Variants in SLC44A1 observed in about 807,000 individuals in gnomAD.
The protein encoded by SLC44A1 is choline transporter-like protein 1.
Under a neutral mutation model 79.3 loss-of-function variants are expected in SLC44A1, and 26 were observed. The ratio of observed to expected loss-of-function variants is 0.33; its 90% CI spans 0.24 to 0.46. The LOEUF is 0.46. Ranked by LOEUF, SLC44A1 falls within the 20% of genes least tolerant of loss-of-function variation. The pLI is 1.00. For missense variants in SLC44A1, 688 were observed against 798.1 expected, an observed-to-expected ratio of 0.86 and a Z score of 1.66; for synonymous variants, 263 against 286.2, an observed-to-expected ratio of 0.92 and a Z score of 0.82.
rs556502972 is a variant in SLC44A1 at position 105,354,039 on chromosome 9, C to CTTT, written c.501-2146_501-2144dup. On this transcript the variant is annotated intron_variant, in intron 5 of 15. Transcript: ENST00000374720. ...TTGACTTAGAAATTTACAGTTAATC[C>CTTT]TTTTTTTTTTTTTTTTTTTTTTTTT... is the stretch of plus-strand genomic sequence containing the variant. Among the ~76,000 whole-genome samples the CTTT allele has an allele frequency of 1.7e-3, 170 of 98,486 alleles. 13 individuals carry two copies. Among genetic ancestry groups the CTTT allele is most frequent in the South Asian group, 6.8e-3 (21 of 3,096 alleles). The allele number at this position is 98,486 out of a possible 152,430, so 64.6% of individuals were successfully genotyped here.
chr9:105,264,432 G>T (rs556221470), intron 1 of SLC44A1, among the ~76,000 whole-genome samples: 3 of 152,230 alleles, frequency 2.0e-5, no homozygotes, highest in Non-Finnish European at 4.4e-5. Context: ...CTCCTGAAGT[G>T]CAGGGATTAC....
At chr9:105,359,849 A>G (rs1450059159) in intron 7 of SLC44A1, among the ~76,000 whole-genome samples, 1 of 152,202 alleles carries the variant, frequency 6.6e-6, no homozygotes, top group East Asian at 1.9e-4. Context: ...TCTTCAACAG[A>G]TGGAAAATTT....
intron 1 of SLC44A1, among the ~76,000 whole-genome samples, chr9:105,256,091 C>G (rs1010094292): frequency 2.0e-5 from 3 of 152,034 alleles, no homozygotes; most frequent in Admixed American, 2.0e-4. Flanking sequence ...CGGCTCACTG[C>G]AACCTCCACC....
At chr9:105,282,415 C>CTGGAA (rs1830374603) in intron 1 of SLC44A1, among the ~76,000 whole-genome samples, 1 of 152,118 alleles carries the variant, frequency 6.6e-6, no homozygotes, top group Non-Finnish European at 1.5e-5. Context: ...TGAATGTTTG[C>CTGGAA]TGATCATGGA....
In SLC44A1 at chr9:105,391,682, A is replaced by G; in HGVS notation, c.*2626A>G. On this transcript the variant is annotated 3_prime_UTR_variant, in exon 16 of 16. Transcript: ENST00000374720. ...CTGCTGCCTCTTTTCATTCATTTCA[A>G]GTCATTCTTCAGCTAGCTATGGGCT... The G allele has an allele frequency of 9.1e-6, 9 of 985,280 alleles. No homozygotes were observed. Among genetic ancestry groups the G allele is most frequent in the Non-Finnish European group, 1.1e-5 (9 of 829,826 alleles). The allele number at this position is 985,280 out of a possible 1,614,324, so 61.0% of individuals were successfully genotyped here. A position where few individuals can be genotyped will look rare whatever the true frequency, so the allele number is the denominator to read the frequency against.
intron 3 of SLC44A1, among the ~76,000 whole-genome samples, chr9:105,315,138 A>T (rs1831285994): frequency 6.6e-6 from 1 of 152,220 alleles, no homozygotes; most frequent in South Asian, 2.1e-4. Context: ...TTCACATTAA[A>T]AAAACTTTGA....
In SLC44A1 at chr9:105,292,394, C is replaced by T. The variant is rs142252564; in HGVS notation, c.37-6826C>T. Among the ~76,000 whole-genome samples, 811 of 152,272 alleles carry T rather than the reference C, an allele frequency of 5.3e-3. 22 individuals are homozygous for T. Among genetic ancestry groups the T allele is most frequent in the East Asian group, 0.042 (218 of 5,186 alleles). ...CATTTCTGAGGCTGAAAGGCCTCTTCCTAACTGGAGCCACAAAATCTTTAG... is the reference window on the plus strand; with the variant it reads ...CATTTCTGAGGCTGAAAGGCCTCTTTCTAACTGGAGCCACAAAATCTTTAG... On this transcript the variant is annotated intron_variant, in intron 1 of 15. Coordinates refer to ENST00000374720, the MANE Select transcript of SLC44A1 (RefSeq NM_080546.5).
intron 15 of SLC44A1, among the ~76,000 whole-genome samples, chr9:105,431,937 C>G (rs12346497): frequency 6.6e-6 from 1 of 152,032 alleles, no homozygotes; most frequent in Non-Finnish European, 1.5e-5. Flanking sequence ...TTTATTTATT[C>G]ATTGAGACAG....
At chr9:105,311,858 A>G (rs1831190007) in intron 3 of SLC44A1, among the ~76,000 whole-genome samples, 1 of 152,154 alleles carries the variant, frequency 6.6e-6, no homozygotes, top group African/African-American at 2.4e-5. Flanking sequence ...TAATATTTCG[A>G]TCTGAAAACA....
intron 6 of SLC44A1, 84 bp downstream of exon 6, chr9:105,356,465 T>G: frequency 2.4e-6 from 2 of 848,428 alleles, no homozygotes; most frequent in Non-Finnish European, 3.6e-6. Context: ...TGAATACAAC[T>G]GGGGATACTT....
intron 1 of SLC44A1, among the ~76,000 whole-genome samples, chr9:105,248,477 A>G (rs545193070): frequency 2.0e-5 from 3 of 152,338 alleles, no homozygotes; most frequent in African/African-American, 7.2e-5. Context: ...ATTATTGGCA[A>G]AATAATTTGT....
At chr9:105,294,390 G>A (rs755990263) in intron 1 of SLC44A1, among the ~76,000 whole-genome samples, 3 of 151,518 alleles carry the variant, frequency 2.0e-5, no homozygotes, top group African/African-American at 4.8e-5. Flanking sequence ...ACGTGTTTTG[G>A]TTTGAAAAGT....
chr9:105,359,032 T>C (rs1159089796), intron 7 of SLC44A1, among the ~76,000 whole-genome samples: 1 of 152,186 alleles, frequency 6.6e-6, no homozygotes, highest in Non-Finnish European at 1.5e-5. Flanking sequence ...CTCCCACTTT[T>C]CGCCCTTGTT....
At chr9:105,431,612 C>T (rs557500738) in intron 15 of SLC44A1, among the ~76,000 whole-genome samples, 6 of 152,278 alleles carry the variant, frequency 3.9e-5, no homozygotes, top group East Asian at 1.9e-4. Context: ...AAAGGGCATG[C>T]GCCTGAAAAT....
Position 105,389,072 on chromosome 9 carries a change from A to G in SLC44A1, c.*16A>G. 1.2e-6 allele frequency: 2 copies of G among 1,613,210 alleles called. No homozygotes were observed. The highest frequency in any genetic ancestry group is 8.5e-7 in the Non-Finnish European group (1 of 1,179,366). On this transcript the variant is annotated 3_prime_UTR_variant, in exon 16 of 16. Transcript: ENST00000374720. The stretch of plus-strand genomic sequence containing the variant: ...TTCTGCTTGAACCTAGCCGACGGTT[A>G]TGGAAACCCATTGACATTCCAAAAC...
chr9:105,391,408 G>T lies in SLC44A1; in HGVS notation c.*2352G>T. The stretch of plus-strand genomic sequence containing the variant: ...ATAAATTTTGTTTTACTAACATTGT[G>T]TTTAGAAATTATAATCTATGTGTAA... On this transcript the variant is annotated 3_prime_UTR_variant, in exon 16 of 16. Transcript: ENST00000374720. 1 of 985,194 alleles carries T rather than the reference G, an allele frequency of 1.0e-6. No individual in the cohort carries two copies. The highest frequency in any genetic ancestry group is 4.7e-5 in the South Asian group (1 of 21,260). 61.0% of individuals were successfully genotyped at this position (985,194 alleles called of 1,614,324 possible).
intron 1 of SLC44A1, among the ~76,000 whole-genome samples, chr9:105,258,750 C>T (rs947064805): frequency 6.6e-6 from 1 of 152,120 alleles, no homozygotes; most frequent in Non-Finnish European, 1.5e-5. Context: ...TGCAGCGGCG[C>T]AGTCTTGGCT....
chr9:105,258,571 C>T (rs1445257551), intron 1 of SLC44A1, among the ~76,000 whole-genome samples: 3 of 152,186 alleles, frequency 2.0e-5, no homozygotes, highest in Admixed American at 2.0e-4. Flanking sequence ...GCACTTCCTG[C>T]TGTATTTCCC....
intron 13 of SLC44A1, among the ~76,000 whole-genome samples, chr9:105,382,781 A>G (rs1828509770): frequency 2.0e-5 from 3 of 152,102 alleles, no homozygotes; most frequent in Admixed American, 2.0e-4. Context: ...TCTGAGTGCT[A>G]AGAGTTTGTA....
Sources: allele counts gnomAD v4.1 joint callset (sites outside exome capture counted in the v4.1 genomes callset), GRCh38; gene constraint gnomAD v4.1.1; transcripts MANE v1.5; gene names NCBI Gene and HGNC (gene_info 2026-07-23, HGNC 2026-07-21).